SORCS2: variants seen among roughly 807,000 people sequenced by gnomAD.
SORCS2 encodes the protein VPS10 domain-containing receptor SorCS2.
A neutral mutation model predicts 141.6 loss-of-function variants in SORCS2; 100 were observed. That is an observed-to-expected ratio of 0.71 (90% CI 0.60 to 0.83). SORCS2 has a LOEUF of 0.83. SORCS2 is among the 40% of genes least tolerant of loss of function. The pLI is 0.00. For missense variants in SORCS2, 1,646 were observed against 1,560.2 expected (o/e 1.05, Z -0.93); for synonymous variants, 789 against 676.9 (o/e 1.17, Z -2.57).
At chr4:7,207,966 C>T (rs778084980) in intron 1 of SORCS2, among the ~76,000 whole-genome samples, 15 of 152,264 alleles carry the variant, frequency 9.9e-5, no homozygotes, top group East Asian at 5.8e-4. Context: ...ATCCAAAACC[C>T]GGGAACTTCT....
chr4:7,654,548 G>C (rs76698988), intron 5 of SORCS2, among the ~76,000 whole-genome samples: 1 of 152,142 alleles, frequency 6.6e-6, no homozygotes, highest in African/African-American at 2.4e-5. Flanking sequence ...CCCCAGTGGA[G>C]AGAGGTGCTG....
Position 7,193,225 on chromosome 4 carries a change from T to A in SORCS2, c.480+99T>A. The A allele has an allele frequency of 7.8e-7, 1 of 1,286,468 alleles. No homozygotes were observed. The highest frequency in any genetic ancestry group is 9.9e-7 in the Non-Finnish European group (1 of 1,014,780). 79.7% of individuals were successfully genotyped at this position (1,286,468 alleles called of 1,614,324 possible). On this transcript the variant is annotated intron_variant, in intron 1 of 26. Transcript: ENST00000507866. The surrounding 1 kb of genome is among the most constrained non-coding windows in gnomAD (Gnocchi z 4.8). ...CCCCCACCCCAGATCCCCACTATGGTCATCAGGGGCGGGTTCTTGGCGACT... is the reference window on the plus strand; with the variant it reads ...CCCCCACCCCAGATCCCCACTATGGACATCAGGGGCGGGTTCTTGGCGACT...
At chr4:7,228,300 A>G (rs144392243) in intron 1 of SORCS2, among the ~76,000 whole-genome samples, 73 of 148,840 alleles carry the variant, frequency 4.9e-4, no homozygotes, top group African/African-American at 1.6e-3. Context: ...CCTGTCTCCA[A>G]ATAAATACAG....
chr4:7,482,801 G>T (rs1730733447), intron 2 of SORCS2, among the ~76,000 whole-genome samples: 1 of 146,808 alleles, frequency 6.8e-6, no homozygotes, highest in African/African-American at 2.6e-5. Context: ...CTGCTGTTCA[G>T]ACCTGTATCC....
intron 17 of SORCS2, among the ~76,000 whole-genome samples, chr4:7,716,271 A>G (rs1726179847): frequency 6.6e-6 from 1 of 152,204 alleles, no homozygotes; most frequent in South Asian, 2.1e-4. Flanking sequence ...AGGAGGCAGG[A>G]CCAGAAATTG....
intron 1 of SORCS2, among the ~76,000 whole-genome samples, chr4:7,222,609 G>A (rs772996255): frequency 5.9e-5 from 9 of 152,280 alleles, no homozygotes; most frequent in Non-Finnish European, 1.3e-4. Context: ...GCTGGCATGC[G>A]AATGAGATTC....
chr4:7,242,007 G>C (rs1181318402), intron 1 of SORCS2, among the ~76,000 whole-genome samples: 2 of 152,144 alleles, frequency 1.3e-5, no homozygotes, highest in African/African-American at 4.8e-5. Flanking sequence ...CCGGGCAGAG[G>C]CTGCCGTTTG....
chr4:7,724,121 G>GTGGTGGTGGTGGTGA (rs1577120363), intron 19 of SORCS2, among the ~76,000 whole-genome samples: 2 of 131,188 alleles, frequency 1.5e-5, no homozygotes, highest in East Asian at 2.5e-4. Flanking sequence ...GGTGATGGTG[G>GTGGTGGTGGTGGTGA]TGGTGGTGGT....
At chr4:7,630,839 AGGAGTAGACT>A (rs1274895754) in intron 3 of SORCS2, among the ~76,000 whole-genome samples, 3 of 152,200 alleles carry the variant, frequency 2.0e-5, no homozygotes, top group Non-Finnish European at 4.4e-5. Context: ...CTGTCTGGCC[AGGAGTAGACT>A]GGGCAATTGG....
intron 1 of SORCS2, among the ~76,000 whole-genome samples, chr4:7,216,853 G>A (rs13119783): frequency 6.6e-6 from 1 of 151,970 alleles, no homozygotes; most frequent in East Asian, 2.0e-4. Context: ...CCCTGCCCTC[G>A]AGCCGCAAAG....
intron 1 of SORCS2, among the ~76,000 whole-genome samples, chr4:7,374,123 CTTT>C (rs1722459751): frequency 3.6e-4 from 6 of 16,864 alleles, no homozygotes; most frequent in Non-Finnish European, 6.4e-4. Context: ...TTCTTTCTTT[CTTT>C]CCCTCTTTCT....
At chr4:7,244,073 T>C (rs1369486846) in intron 1 of SORCS2, among the ~76,000 whole-genome samples, 1 of 152,208 alleles carries the variant, frequency 6.6e-6, no homozygotes, top group Non-Finnish European at 1.5e-5. Context: ...GTTGACTCAC[T>C]GCAGCCTTTC....
intron 2 of SORCS2, among the ~76,000 whole-genome samples, chr4:7,442,932 C>G (rs1340058214): frequency 6.6e-6 from 1 of 152,124 alleles, no homozygotes; most frequent in African/African-American, 2.4e-5. Flanking sequence ...GGGGAGGCTC[C>G]TTCCTGCTTC....
intron 3 of SORCS2, among the ~76,000 whole-genome samples, chr4:7,531,862 C>T (rs1367461260): frequency 6.6e-6 from 1 of 152,256 alleles, no homozygotes; most frequent in African/African-American, 2.4e-5. Flanking sequence ...ATACCTAGGG[C>T]ACATTTGTCT....
chr4:7,539,668 T>C (rs903950506), intron 3 of SORCS2, among the ~76,000 whole-genome samples: 5 of 84,052 alleles, frequency 5.9e-5, no homozygotes, highest in Non-Finnish European at 1.6e-4. Context: ...CCTTCCCAGC[T>C]GCAAGGCCCC....
chr4:7,483,684 G>T (rs973990107), intron 2 of SORCS2, among the ~76,000 whole-genome samples: 1 of 152,086 alleles, frequency 6.6e-6, no homozygotes, highest in Non-Finnish European at 1.5e-5. Context: ...CGTCCTGGGA[G>T]GGAGTATTCC....
chr4:7,322,300 G>A (rs536773511), intron 1 of SORCS2, among the ~76,000 whole-genome samples: 16 of 152,226 alleles, frequency 1.1e-4, no homozygotes, highest in African/African-American at 3.9e-4. Flanking sequence ...GCCTCGTGGT[G>A]GCCATGCCCC....
intron 3 of SORCS2, among the ~76,000 whole-genome samples, chr4:7,634,654 G>A (rs1000826256): frequency 6.6e-6 from 1 of 152,208 alleles, no homozygotes; most frequent in Non-Finnish European, 1.5e-5. Flanking sequence ...CTTCGAGGAG[G>A]GGGGTAACTC....
At chr4:7,647,867 G>GCA (rs1560454224) in intron 4 of SORCS2, among the ~76,000 whole-genome samples, 1 of 152,236 alleles carries the variant, frequency 6.6e-6, no homozygotes, top group Non-Finnish European at 1.5e-5. Flanking sequence ...AGAGCTCCGG[G>GCA]TGTGTTCATC....
Sources: allele counts gnomAD v4.1 joint callset (sites outside exome capture counted in the v4.1 genomes callset), GRCh38; gene constraint gnomAD v4.1.1; non-coding constraint Gnocchi (gnomAD v3.1); transcripts MANE v1.5; gene names NCBI Gene and HGNC (gene_info 2026-07-23, HGNC 2026-07-21).